The following RSBN1 variants were observed in gnomAD, a reference collection of about 807,000 sequenced individuals.
RSBN1 encodes the protein lysine-specific demethylase 9.
In RSBN1, 23 loss-of-function variants were observed where a neutral mutation model predicts 74.8. That is an observed-to-expected ratio of 0.31 (90% CI 0.22 to 0.44). RSBN1 has a LOEUF of 0.44. Ranked by LOEUF, RSBN1 falls within the 20% of genes least tolerant of loss-of-function variation. RSBN1 has a pLI of 1.00. For synonymous variants in RSBN1, 407 were observed against 379.6 expected (o/e 1.07, Z -0.84); for missense variants, 808 against 1,020.9 (o/e 0.79, Z 2.84).
intron 2 of RSBN1, among the ~76,000 whole-genome samples, chr1:113,788,201 A>G (rs1660297417): frequency 6.6e-6 from 1 of 152,126 alleles, no homozygotes; most frequent in South Asian, 2.1e-4. Context: ...AATGAAAAAT[A>G]TAATAGGAAA....
At chr1:113,795,610 G>T (rs371444815) in intron 2 of RSBN1, among the ~76,000 whole-genome samples, 32 of 152,264 alleles carry the variant, frequency 2.1e-4, no homozygotes, top group African/African-American at 7.7e-4. Context: ...TTATGTGGTT[G>T]AAGCGTTTAA....
Position 113,791,813 on chromosome 1 carries a change from A to T in RSBN1, c.1377+5550T>A, listed in dbSNP as rs185284199. Among the ~76,000 whole-genome samples, 15 of 152,304 alleles carry T rather than the reference A, an allele frequency of 9.8e-5. No homozygotes were observed. The East Asian group carries it at 1.2e-3, about 12-fold the overall frequency. ...ATTTCTCCTTTTCTATAACACACTA[A>T]TAATGCATACAGTTCCTTAAGGGTT... On this transcript the variant is annotated intron_variant, in intron 2 of 6. Coordinates refer to ENST00000261441, the MANE Select transcript of RSBN1 (RefSeq NM_018364.5).
At chr1:113,782,863 G>C (rs1399490016) in intron 2 of RSBN1, among the ~76,000 whole-genome samples, 1 of 152,042 alleles carries the variant, frequency 6.6e-6, no homozygotes, top group Non-Finnish European at 1.5e-5. Context: ...TCTAATTGTA[G>C]TTCTGACTTC....
intron 4 of RSBN1, among the ~76,000 whole-genome samples, chr1:113,772,907 G>A (rs746636951): frequency 1.3e-5 from 2 of 152,096 alleles, no homozygotes; most frequent in Non-Finnish European, 2.9e-5. Context: ...AATACTGAAA[G>A]CACAGAAGTA....
chr1:113,780,019 CA>C (rs1427096432), intron 2 of RSBN1, among the ~76,000 whole-genome samples: 247 of 133,486 alleles, frequency 1.9e-3, no homozygotes, highest in Admixed American at 1.8e-3. Context: ...GACTCCGTCT[CA>C]AAAAAAAAAA....
intron 2 of RSBN1, among the ~76,000 whole-genome samples, chr1:113,781,898 C>T (rs903237522): frequency 3.9e-5 from 6 of 152,298 alleles, no homozygotes; most frequent in South Asian, 4.1e-4. Flanking sequence ...AGTATCCTTG[C>T]TTCAGGATTC....
chr1:113,807,064 G>C (rs1474126555), intron 1 of RSBN1, among the ~76,000 whole-genome samples: 1 of 151,456 alleles, frequency 6.6e-6, no homozygotes, highest in Non-Finnish European at 1.5e-5. Flanking sequence ...TGTAATCCCA[G>C]CACTTTGGGA....
At chr1:113,806,584 G>A (rs1313228616) in intron 1 of RSBN1, among the ~76,000 whole-genome samples, 1 of 151,478 alleles carries the variant, frequency 6.6e-6, no homozygotes. Flanking sequence ...AAAATCTTTG[G>A]GATCTAGGAC....
At chr1:113,807,710 G>A (rs1020056983) in intron 1 of RSBN1, among the ~76,000 whole-genome samples, 24 of 151,230 alleles carry the variant, frequency 1.6e-4, no homozygotes, top group Non-Finnish European at 2.2e-4. Flanking sequence ...GCAGTGAGCC[G>A]AGATTGCACC....
At chr1:113,798,178 G>A in intron 1 of RSBN1, 142 bp from the exon 2 acceptor site, 1 of 668,874 alleles carries the variant, frequency 1.5e-6, no homozygotes, top group Non-Finnish European at 2.5e-6. Context: ...GAAAACAAAT[G>A]AGACAGAGAT....
intron 2 of RSBN1, among the ~76,000 whole-genome samples, chr1:113,779,455 G>A (rs1002444889): frequency 7.2e-5 from 11 of 152,078 alleles, no homozygotes; most frequent in Non-Finnish European, 1.6e-4. Context: ...CACTTTAGAT[G>A]ATTCTTAAGC....
intron 2 of RSBN1, among the ~76,000 whole-genome samples, chr1:113,782,470 A>T (rs1397104634): frequency 6.6e-6 from 1 of 152,238 alleles, no homozygotes; most frequent in Non-Finnish European, 1.5e-5. Context: ...AGGAAGAGTT[A>T]GCTAAAGAAA....
intron 2 of RSBN1, among the ~76,000 whole-genome samples, chr1:113,786,294 A>G (rs960798143): frequency 6.6e-6 from 1 of 152,214 alleles, no homozygotes; most frequent in Admixed American, 6.5e-5. Flanking sequence ...ATGATGAGCC[A>G]GAAGTATGTG....
rs1401416875 is a variant in RSBN1 at position 113,797,571 on chromosome 1, C to T, written c.1169G>A (p.Arg390Lys). The change falls in exon 2 of 7, where the codon AGA becomes AAA. Residue 390 changes from arginine (R) to lysine (K), a missense_variant. Arg to Lys is a conservative substitution (Grantham distance 26). Transcript: ENST00000261441. Reference protein sequence around the residue: ...LSFLSPMEMERFSEEFLALTF... With the variant: ...LSFLSPMEMEKFSEEFLALTF... ...CAAAGCAAGAAACTCCTCAGAAAAT[C>T]TCTCCATCTCCATTGGAGACAAAAA... 1 of 1,611,866 alleles carries T rather than the reference C, an allele frequency of 6.2e-7. No individual in the cohort carries two copies. The highest frequency in any genetic ancestry group is 1.7e-5 in the Admixed American group (1 of 59,634).
chr1:113,810,622 C>G (rs994010445), intron 1 of RSBN1, among the ~76,000 whole-genome samples: 28 of 151,902 alleles, frequency 1.8e-4, no homozygotes, highest in Non-Finnish European at 1.6e-4. Flanking sequence ...GGAAATAGCA[C>G]CACCAAAAAA....
intron 2 of RSBN1, among the ~76,000 whole-genome samples, chr1:113,784,165 T>C (rs1660194268): frequency 2.0e-5 from 3 of 152,132 alleles, no homozygotes; most frequent in Admixed American, 2.0e-4. Context: ...CACAACAGTC[T>C]TCAAATACTT....
In RSBN1 at chr1:113,797,378, T is replaced by C; in HGVS notation, c.1362A>G (p.Ser454=). Residue 454 remains serine, a synonymous_variant, in exon 2 of 7, where the codon TCA becomes TCG. Transcript: ENST00000261441. ...TTTATCTTACCTGAGTGTGAAAATT[T>C]GAAATGGTGGTTGTTTCAATATCTT... ...GKKDIETTTI[S]NFHTQVNRTY... is the part of the protein sequence containing the mutation. 6.2e-7 allele frequency: 1 copy of C among 1,606,264 alleles called. No individual in the cohort carries two copies. The highest frequency in any genetic ancestry group is 1.3e-5 in the African/African-American group (1 of 74,218).
In RSBN1 at chr1:113,795,528, T is replaced by G. The variant is rs1660453888; in HGVS notation, c.1377+1835A>C. ...CCACACCATACTCTTCTCTAATGAC[T>G]GAAAATTCATAAATAAAATTAAGTT... On this transcript the variant is annotated intron_variant, in intron 2 of 6. Coordinates refer to ENST00000261441, the MANE Select transcript of RSBN1 (RefSeq NM_018364.5). Among the ~76,000 whole-genome samples the G allele has an allele frequency of 2.0e-5, 3 of 152,196 alleles. No homozygotes were observed. In the South Asian group the frequency reaches 6.2e-4, roughly 32 times the overall value.
At chr1:113,768,673 C>T (rs1659831405) in intron 4 of RSBN1, among the ~76,000 whole-genome samples, 1 of 152,040 alleles carries the variant, frequency 6.6e-6, no homozygotes, top group Non-Finnish European at 1.5e-5. Flanking sequence ...AAATAAAAGT[C>T]AAAGTTTAAG....
Sources: gnomAD v4.1 joint callset for allele counts (sites outside exome capture counted in the v4.1 genomes callset) on GRCh38, gnomAD v4.1.1 for gene constraint, MANE v1.5 for transcripts, NCBI Gene and HGNC (gene_info 2026-07-23, HGNC 2026-07-21) for gene names.